CFAP20DC: variants seen among roughly 807,000 people sequenced by gnomAD.
CFAP20DC encodes the protein CFAP20 domain containing.
Under a neutral mutation model 101.7 loss-of-function variants are expected in CFAP20DC, and 84 were observed. The ratio of observed to expected loss-of-function variants is 0.83; its 90% confidence interval spans 0.69 to 0.99. The LOEUF (loss-of-function observed/expected upper bound fraction) is 0.99, where lower values mean the gene tolerates loss of function less well. CFAP20DC is among the 50% of genes least tolerant of loss of function. The pLI, the probability that CFAP20DC is intolerant of heterozygous loss-of-function variation, is 0.00. For missense variants in CFAP20DC, 1,007 were observed against 970.3 expected, an observed-to-expected ratio of 1.04 and a Z score of -0.50; for synonymous variants, 359 against 351.2, an observed-to-expected ratio of 1.02 and a Z score of -0.25.
chr3:58,812,090 CTT>C (rs1329835635), intron 14 of CFAP20DC, among the ~76,000 whole-genome samples: 1 of 152,034 alleles, frequency 6.6e-6, no homozygotes, highest in East Asian at 1.9e-4. Context: ...AATAGGAACA[CTT>C]TTACACTGTT....
rs370222448 is a variant in CFAP20DC, at chr3:58,995,975, A to AATCAATCTATCT, written c.278+43581_278+43582insAGATAGATTGAT. 4.2e-3 allele frequency among the ~76,000 whole-genome samples: 609 copies of AATCAATCTATCT among 145,266 alleles called. 4 individuals carry two copies. The highest frequency in any genetic ancestry group is 0.024 in the East Asian group (115 of 4,858). On this transcript the variant is annotated intron_variant, in intron 4 of 16. Coordinates refer to ENST00000482387, the MANE Select transcript of CFAP20DC (RefSeq NM_001394063.1). ...CCACATGAGCCAATTCTGTATAATA[A>AATCAATCTATCT]ATCTATCTATCTATCTATCTATCTA...
intron 6 of CFAP20DC, among the ~76,000 whole-genome samples, chr3:58,893,817 G>A (rs149109048): frequency 1.7e-3 from 258 of 151,236 alleles, no homozygotes; most frequent in African/African-American, 5.6e-3. Context: ...GTATTAGTCT[G>A]TTTTCATGCT....
chr3:58,743,781 C>A (rs1032786614), intron 16 of CFAP20DC, among the ~76,000 whole-genome samples: 1 of 152,150 alleles, frequency 6.6e-6, no homozygotes, highest in Non-Finnish European at 1.5e-5. Context: ...CAAGCTGGTG[C>A]CTGAACATTG....
intron 6 of CFAP20DC, among the ~76,000 whole-genome samples, chr3:58,893,201 G>A (rs1018974496): frequency 6.6e-5 from 10 of 152,006 alleles, no homozygotes; most frequent in Middle Eastern, 3.4e-3. Flanking sequence ...CTGCCACTAC[G>A]CCCAGCTAAT....
chr3:58,893,043 A>ATTT (rs1184405114), intron 6 of CFAP20DC, among the ~76,000 whole-genome samples: 1 of 132,460 alleles, frequency 7.5e-6, no homozygotes, highest in Non-Finnish European at 1.6e-5. Context: ...AACATGAAGG[A>ATTT]TTTTTTTTTT....
chr3:58,749,799 T>A (rs141221844), intron 16 of CFAP20DC, among the ~76,000 whole-genome samples: 1 of 152,360 alleles, frequency 6.6e-6, no homozygotes, highest in Non-Finnish European at 1.5e-5. Flanking sequence ...TTGACAACTA[T>A]TCTTTGAGCA....
At chr3:58,870,927 A>G (rs1388358257) in intron 7 of CFAP20DC, among the ~76,000 whole-genome samples, 1 of 150,614 alleles carries the variant, frequency 6.6e-6, no homozygotes, top group Non-Finnish European at 1.5e-5. Flanking sequence ...AAAAAAAAGA[A>G]AAAAGGAAAA....
At position 58,799,553 on chromosome 3, in the gene CFAP20DC, T is replaced by G. The variant is rs964424702; in HGVS notation, c.2237+6842A>C. On this transcript the variant is annotated intron_variant, in intron 15 of 16. Coordinates refer to ENST00000482387, the MANE Select transcript of CFAP20DC (RefSeq NM_001394063.1). This position sits in a 1 kb window ranked among gnomAD's most constrained non-coding sequence, Gnocchi z 4.9. ...TTTTAAGTGGTGAGATTCACTGAAT[T>G]CAACACCTATTTTTTATGTGTCTCT... 1.3e-5 allele frequency among the ~76,000 whole-genome samples: 2 copies of G among 152,182 alleles called. No homozygotes were observed. Among genetic ancestry groups the G allele is most frequent in the African/African-American group, 4.8e-5 (2 of 41,440 alleles).
At chr3:58,769,924 A>C (rs1447938837) in intron 15 of CFAP20DC, among the ~76,000 whole-genome samples, 1 of 152,212 alleles carries the variant, frequency 6.6e-6, no homozygotes, top group Non-Finnish European at 1.5e-5. Context: ...TGTCTTTATT[A>C]GATAAATCCA....
At chr3:58,816,720 C>G (rs2075193398) in intron 14 of CFAP20DC, among the ~76,000 whole-genome samples, 1 of 152,166 alleles carries the variant, frequency 6.6e-6, no homozygotes, top group Non-Finnish European at 1.5e-5. Context: ...GGGAGGGGCG[C>G]CCGCCATTGC....
intron 14 of CFAP20DC, among the ~76,000 whole-genome samples, chr3:58,812,813 T>A (rs757778281): frequency 4.0e-5 from 6 of 151,878 alleles, no homozygotes; most frequent in Admixed American, 3.9e-4. Flanking sequence ...ATTATTATTA[T>A]TTTAGTGGCC....
intron 4 of CFAP20DC, among the ~76,000 whole-genome samples, chr3:59,036,056 G>T (rs1042124290): frequency 1.3e-5 from 2 of 152,062 alleles, no homozygotes; most frequent in Non-Finnish European, 2.9e-5. Flanking sequence ...AATACCTCAT[G>T]ATCTCAACAG....
chr3:58,769,157 C>T (rs562557411), intron 15 of CFAP20DC, among the ~76,000 whole-genome samples: 2 of 152,158 alleles, frequency 1.3e-5, no homozygotes. Context: ...GCAGTAAGCC[C>T]GAGTTAGTCC....
chr3:58,807,695 C>T (rs182020124), intron 14 of CFAP20DC, among the ~76,000 whole-genome samples: 88 of 152,286 alleles, frequency 5.8e-4, no homozygotes, highest in Admixed American at 4.5e-3. Context: ...TCCTCAGCAA[C>T]GGAACAAAGC....
Position 58,869,534 on chromosome 3 carries a change from A to C in CFAP20DC, c.853-44T>G. On this transcript the variant is annotated intron_variant, in intron 8 of 16. Transcript: ENST00000482387. This position sits in a 1 kb window ranked among gnomAD's most constrained non-coding sequence, Gnocchi z 4.3. ...GTACATTTTAAAATATAGCAACTAC[A>C]TTTGTTTTCTGTAGAAGCTATATAG... The C allele has an allele frequency of 6.9e-7, 1 of 1,440,796 alleles. No individual in the cohort carries two copies. Among genetic ancestry groups the C allele is most frequent in the East Asian group, 2.4e-5 (1 of 41,088 alleles). The allele number at this position is 1,440,796 out of a possible 1,614,324, so 89.3% of individuals were successfully genotyped here. A position where few individuals can be genotyped will look rare whatever the true frequency, so the allele number is the denominator to read the frequency against.
rs1329711764 is a variant in CFAP20DC at position 58,808,770 on chromosome 3, A to G, written c.2176-2314T>C. 3.9e-5 allele frequency among the ~76,000 whole-genome samples: 6 copies of G among 152,330 alleles called. No individual in the cohort carries two copies. The East Asian group carries it at 1.2e-3, about 29-fold the overall frequency. On this transcript the variant is annotated intron_variant, in intron 14 of 16. Coordinates refer to ENST00000482387, the MANE Select transcript of CFAP20DC (RefSeq NM_001394063.1). ...CTCCAATTAAAAGACACAGACTGGC[A>G]AATTGGATAAAGAGTCAAGACCCAT...
At chr3:58,755,427 T>C (rs2068871154) in intron 15 of CFAP20DC, among the ~76,000 whole-genome samples, 2 of 152,152 alleles carry the variant, frequency 1.3e-5, no homozygotes, top group African/African-American at 2.4e-5. Context: ...ACCAGCGCAG[T>C]GACCTCATTA....
intron 3 of CFAP20DC, among the ~76,000 whole-genome samples, chr3:59,041,865 T>C (rs910423793): frequency 6.6e-6 from 1 of 152,120 alleles, no homozygotes; most frequent in African/African-American, 2.4e-5. Flanking sequence ...TTACAACTCA[T>C]AGGATTATTT....
chr3:58,921,877 T>C (rs1267150873), intron 5 of CFAP20DC, among the ~76,000 whole-genome samples: 3 of 152,220 alleles, frequency 2.0e-5, no homozygotes, highest in Non-Finnish European at 2.9e-5. Flanking sequence ...TTTGAAGCTT[T>C]GTTATTAGAT....
Sources: allele counts gnomAD v4.1 joint callset (sites outside exome capture counted in the v4.1 genomes callset), GRCh38; gene constraint gnomAD v4.1.1; non-coding constraint Gnocchi (gnomAD v3.1); transcripts MANE v1.5; gene names NCBI Gene and HGNC (gene_info 2026-07-23, HGNC 2026-07-21).